NRXN3: variants seen among roughly 807,000 people sequenced by gnomAD.
The protein encoded by NRXN3 is neurexin III.
Under a neutral mutation model 137.6 loss-of-function variants are expected in NRXN3, and 32 were observed. The observed-to-expected ratio is 0.23, with a 90% CI of 0.18 to 0.31. The LOEUF (loss-of-function observed/expected upper bound fraction) is 0.31. Among genes scored for constraint, NRXN3 ranks in the 10% least tolerant of loss-of-function variants. NRXN3 has a pLI of 1.00. For synonymous variants in NRXN3, 798 were observed against 784.5 expected (o/e 1.02, Z -0.29); for missense variants, 1,574 against 2,062.5 (o/e 0.76, Z 4.59).
intron 16 of NRXN3, among the ~76,000 whole-genome samples, chr14:79,472,208 AT>A (rs1362591372): frequency 6.6e-6 from 1 of 152,032 alleles, no homozygotes; most frequent in Non-Finnish European, 1.5e-5. Flanking sequence ...CATTTTTTCT[AT>A]TTCATGATTT....
chr14:79,085,111 A>G (rs1280459202), intron 15 of NRXN3, among the ~76,000 whole-genome samples: 5 of 152,056 alleles, frequency 3.3e-5, no homozygotes, highest in African/African-American at 1.2e-4. Flanking sequence ...GTTTTCTGGG[A>G]TGGAATCCTA....
At chr14:78,294,583 A>G (rs1469337064) in intron 3 of NRXN3, among the ~76,000 whole-genome samples, 2 of 151,378 alleles carry the variant, frequency 1.3e-5, no homozygotes, top group Non-Finnish European at 2.9e-5. Context: ...AAAAAAAGAA[A>G]AAGCTCCTAT....
At chr14:78,526,024 G>A (rs527900852) in intron 4 of NRXN3, among the ~76,000 whole-genome samples, 500 of 152,234 alleles carry the variant, frequency 3.3e-3, no homozygotes, top group Non-Finnish European at 4.8e-3. Context: ...TCCTCATTGT[G>A]TCCATGGAAC....
intron 4 of NRXN3, among the ~76,000 whole-genome samples, chr14:78,546,195 A>G (rs1179015991): frequency 1.3e-5 from 2 of 152,214 alleles, no homozygotes; most frequent in Non-Finnish European, 2.9e-5. Context: ...ATGTATGAGC[A>G]CACCCTTTTC....
intron 4 of NRXN3, among the ~76,000 whole-genome samples, chr14:78,453,161 G>T (rs748446051): frequency 2.0e-5 from 3 of 152,174 alleles, no homozygotes; most frequent in Admixed American, 6.5e-5. Flanking sequence ...GACCTCTCTT[G>T]TCATAATGGC....
At chr14:79,590,443 A>G (rs2097794078) in intron 16 of NRXN3, among the ~76,000 whole-genome samples, 1 of 144,404 alleles carries the variant, frequency 6.9e-6, no homozygotes, top group African/African-American at 2.5e-5. Flanking sequence ...AAAAAAGATT[A>G]TGATAGTGCT....
At chr14:79,209,098 C>T (rs1332967898) in intron 15 of NRXN3, among the ~76,000 whole-genome samples, 1 of 152,066 alleles carries the variant, frequency 6.6e-6, no homozygotes, top group Admixed American at 6.6e-5. Context: ...GCCACCACAC[C>T]TGGCTAATTT....
At chr14:78,616,636 C>G (rs990141058) in intron 4 of NRXN3, among the ~76,000 whole-genome samples, 2 of 152,180 alleles carry the variant, frequency 1.3e-5, no homozygotes, top group Non-Finnish European at 2.9e-5. Flanking sequence ...TCACACATAG[C>G]TCTCTGCTTC....
At chr14:79,204,627 C>A (rs753423266) in intron 15 of NRXN3, among the ~76,000 whole-genome samples, 4 of 152,082 alleles carry the variant, frequency 2.6e-5, no homozygotes, top group Non-Finnish European at 5.9e-5. Context: ...TTTAAGTCAT[C>A]ATCAATTAAA....
At chr14:79,625,330 A>C (rs1390042904) in intron 16 of NRXN3, among the ~76,000 whole-genome samples, 1 of 152,242 alleles carries the variant, frequency 6.6e-6, no homozygotes, top group Non-Finnish European at 1.5e-5. Context: ...TGGTTAAAAA[A>C]AATAGGAAAA....
At chr14:78,878,918 T>G (rs1178571052) in intron 10 of NRXN3, among the ~76,000 whole-genome samples, 2 of 152,152 alleles carry the variant, frequency 1.3e-5, no homozygotes, top group Non-Finnish European at 2.9e-5. Context: ...AGTTTGTTTT[T>G]TTTTTAGATT....
chr14:79,168,986 G>A (rs2061535465), intron 15 of NRXN3, among the ~76,000 whole-genome samples: 2 of 152,036 alleles, frequency 1.3e-5, no homozygotes, highest in Admixed American at 6.6e-5. Context: ...ATTGAACATA[G>A]CACATGAAAG....
rs529626300 is a variant in NRXN3 at position 78,625,447 on chromosome 14, T to A, written c.758-19673T>A. 3.3e-4 allele frequency among the ~76,000 whole-genome samples: 51 copies of A among 152,334 alleles called. No homozygotes were observed. In the South Asian group the frequency reaches 5.0e-3, roughly 15 times the overall value. On this transcript the variant is annotated intron_variant, in intron 4 of 20. Coordinates refer to ENST00000335750, the MANE Select transcript of NRXN3 (RefSeq NM_001330195.2). ...GTTTTGATTTCTTTTGTTGGTTTTT[T>A]AATTTAGCTTGTGACTAATAGAAAA...
At chr14:79,777,623 TTATC>T (rs1306403343) in intron 19 of NRXN3, among the ~76,000 whole-genome samples, 1 of 152,120 alleles carries the variant, frequency 6.6e-6, no homozygotes, top group African/African-American at 2.4e-5. Flanking sequence ...TGAATTTTTT[TTATC>T]TATTTCTTAT....
At position 79,296,447 on chromosome 14, in the gene NRXN3, G is replaced by GAAA. The variant is rs113327994; in HGVS notation, c.3263-170763_3263-170761dup. On this transcript the variant is annotated intron_variant, in intron 15 of 20. Coordinates refer to ENST00000335750, the MANE Select transcript of NRXN3 (RefSeq NM_001330195.2). ...AGGAGATGGGCTGAAATATACTTGG[G>GAAA]AAAAAAAAAAAAACCAGATGTTCCA... Among the ~76,000 whole-genome samples, 392 of 139,496 alleles carry GAAA rather than the reference G, an allele frequency of 2.8e-3. 1 individual carries two copies. Among genetic ancestry groups the GAAA allele is most frequent in the African/African-American group, 9.3e-3 (358 of 38,404 alleles). The allele number at this position is 139,496 out of a possible 152,430, so 91.5% of individuals were successfully genotyped here. A position where few individuals can be genotyped will look rare whatever the true frequency, so the allele number is the denominator to read the frequency against.
intron 16 of NRXN3, among the ~76,000 whole-genome samples, chr14:79,491,056 A>G (rs1388877234): frequency 1.3e-5 from 2 of 152,162 alleles, no homozygotes; most frequent in East Asian, 1.9e-4. Flanking sequence ...GCCAGGGTGT[A>G]TATGTATGTG....
At chr14:78,396,901 G>A (rs2091513179) in intron 4 of NRXN3, among the ~76,000 whole-genome samples, 1 of 152,074 alleles carries the variant, frequency 6.6e-6, no homozygotes, top group African/African-American at 2.4e-5. Flanking sequence ...TCAGGGTGCC[G>A]GGTGGTCAAA....
intron 4 of NRXN3, among the ~76,000 whole-genome samples, chr14:78,507,774 A>C (rs752431782): frequency 6.6e-6 from 1 of 152,170 alleles, no homozygotes. Flanking sequence ...ATAAATAAGC[A>C]TCCATTTTAT....
intron 1 of NRXN3, among the ~76,000 whole-genome samples, chr14:78,195,416 C>A (rs1041295868): frequency 1.3e-5 from 2 of 152,158 alleles, no homozygotes; most frequent in African/African-American, 2.4e-5. Context: ...CAGGGAAGAT[C>A]AGGCTTTCTG....
Sources: gnomAD v4.1 joint callset for allele counts (sites outside exome capture counted in the v4.1 genomes callset) on GRCh38, gnomAD v4.1.1 for gene constraint, MANE v1.5 for transcripts, NCBI Gene and HGNC (gene_info 2026-07-23, HGNC 2026-07-21) for gene names.